PCDHA2: variants seen among roughly 807,000 people sequenced by gnomAD.
The protein encoded by PCDHA2 is protocadherin alpha-2.
In PCDHA2, 58 loss-of-function variants were observed where a neutral mutation model predicts 66.0. The observed-to-expected ratio is 0.88, with a 90% CI of 0.71 to 1.09. PCDHA2 has a LOEUF of 1.09. Ranked by LOEUF, PCDHA2 falls within the 50% of genes least tolerant of loss-of-function variation. The pLI, the probability that PCDHA2 is intolerant of heterozygous loss-of-function variation, is 0.00. For synonymous variants in PCDHA2, 634 were observed against 554.0 expected (o/e 1.14, Z -2.03); for missense variants, 1,267 against 1,242.3 (o/e 1.02, Z -0.30).
intron 1 of PCDHA2, among the ~76,000 whole-genome samples, chr5:140,959,126 G>A (rs1417334893): frequency 6.6e-6 from 1 of 152,066 alleles, no homozygotes; most frequent in Non-Finnish European, 1.5e-5. Context: ...GGCGAGGTGA[G>A]CCCACTTTGG....
In PCDHA2 at chr5:140,869,244, C is replaced by G. The variant is rs782454826; in HGVS notation, c.2388+71892C>G. 5.6e-6 allele frequency: 9 copies of G among 1,613,658 alleles called. 1 individual carries two copies. In the South Asian group the frequency reaches 7.7e-5, roughly 14 times the overall value. ...CCAAACACGGCACCTTCGTGGGCCG[C>G]ATCGCGCAGGACCTGGGGCTGGAGC... On this transcript the variant is annotated intron_variant, in intron 1 of 3. Coordinates refer to ENST00000526136, the MANE Select transcript of PCDHA2 (RefSeq NM_018905.3).
intron 1 of PCDHA2, among the ~76,000 whole-genome samples, chr5:140,819,386 C>T (rs1766549033): frequency 6.6e-6 from 1 of 152,040 alleles, no homozygotes. Context: ...TTTCTAAAGG[C>T]TTTTAGTGAA....
chr5:140,809,185 G>C, intron 1 of PCDHA2: 1 of 1,614,048 alleles, frequency 6.2e-7, no homozygotes, highest in Non-Finnish European at 8.5e-7. Context: ...CCACTGTGCT[G>C]GTGTCACTTG....
intron 2 of PCDHA2, among the ~76,000 whole-genome samples, chr5:140,980,990 G>T (rs1344931215): frequency 6.6e-6 from 1 of 152,116 alleles, no homozygotes. Flanking sequence ...CACACAATTT[G>T]CTAGTAGGAT....
rs1554129359 is a variant in PCDHA2, at chr5:140,823,461, G to T, written c.2388+26109G>T. The T allele has an allele frequency of 2.5e-6, 4 of 1,613,324 alleles. No homozygotes were observed. The African/African-American group carries it at 4.0e-5, about 16-fold the overall frequency. ...TGCTGGACGAGAACGACAACGCGCC[G>T]GCGCTGCTGGTGCCTCGAGTGGGTG... is the stretch of plus-strand genomic sequence containing the variant. On this transcript the variant is annotated intron_variant, in intron 1 of 3. Transcript: ENST00000526136.
chr5:140,952,798 G>T (rs1554220633), intron 1 of PCDHA2, among the ~76,000 whole-genome samples: 1 of 152,138 alleles, frequency 6.6e-6, no homozygotes, highest in African/African-American at 2.4e-5. Flanking sequence ...TAACTGGCTC[G>T]CAGTTCTGCA....
intron 1 of PCDHA2, among the ~76,000 whole-genome samples, chr5:140,847,109 G>T (rs1267875417): frequency 6.7e-6 from 1 of 149,752 alleles, no homozygotes; most frequent in Admixed American, 6.7e-5. Context: ...CACACAGTCT[G>T]CAGAGAATGA....
chr5:140,988,059 T>C (rs1587274242), intron 3 of PCDHA2, among the ~76,000 whole-genome samples: 1 of 152,324 alleles, frequency 6.6e-6, no homozygotes, highest in East Asian at 1.9e-4. Flanking sequence ...ACTGTCAACA[T>C]GAATTTTTCT....
chr5:140,881,995 T>C, intron 1 of PCDHA2: 1 of 464,062 alleles, frequency 2.2e-6, no homozygotes, highest in Middle Eastern at 5.9e-4. Flanking sequence ...TGTCAGGAAA[T>C]GCAAGGGGCA....
chr5:140,951,008 G>A (rs563188363), intron 1 of PCDHA2, among the ~76,000 whole-genome samples: 2 of 151,974 alleles, frequency 1.3e-5, no homozygotes, highest in South Asian at 4.2e-4. Flanking sequence ...TTTTTCCCAA[G>A]ATCAGGCAGT....
At chr5:140,897,086 T>G (rs527763854) in intron 1 of PCDHA2, among the ~76,000 whole-genome samples, 379 of 152,296 alleles carry the variant, frequency 2.5e-3, no homozygotes, top group African/African-American at 8.4e-3. Context: ...TTCTATTTTT[T>G]ATCCTCATTA....
At chr5:140,937,839 A>G (rs2091791639) in intron 1 of PCDHA2, among the ~76,000 whole-genome samples, 1 of 150,456 alleles carries the variant, frequency 6.6e-6, no homozygotes, top group Non-Finnish European at 1.5e-5. Flanking sequence ...ATGAACCTGG[A>G]AGGCGGAACT....
At chr5:141,001,885 A>C (rs1462586962) in intron 3 of PCDHA2, among the ~76,000 whole-genome samples, 2 of 152,228 alleles carry the variant, frequency 1.3e-5, no homozygotes, top group African/African-American at 2.4e-5. Context: ...GAAGGAGCAA[A>C]GAAATCGGGG....
At chr5:140,806,396 C>G (rs1763725675) in intron 1 of PCDHA2, among the ~76,000 whole-genome samples, 1 of 152,164 alleles carries the variant, frequency 6.6e-6, no homozygotes, top group African/African-American at 2.4e-5. Context: ...CTCATGGGAG[C>G]AAATGAGTTC....
Position 140,982,348 on chromosome 5 carries a change from T to C in PCDHA2, c.2448-127T>C, listed in dbSNP as rs1253085859. 9 of 1,495,962 alleles carry C rather than the reference T, an allele frequency of 6.0e-6. No homozygotes were observed. The Admixed American group carries it at 1.7e-4, about 28-fold the overall frequency. 92.7% of individuals were successfully genotyped at this position (1,495,962 alleles called of 1,614,324 possible). On this transcript the variant is annotated intron_variant, in intron 2 of 3. Transcript: ENST00000526136. Reference sequence around the variant, plus strand: ...ACTGCTCAGCAGTAATTGCTTCAGTTCAAGCATGAGCAGAATGTGTTAGCT... The same window carrying C: ...ACTGCTCAGCAGTAATTGCTTCAGTCCAAGCATGAGCAGAATGTGTTAGCT...
intron 3 of PCDHA2, among the ~76,000 whole-genome samples, chr5:140,998,057 A>G (rs2097795221): frequency 1.3e-5 from 2 of 152,294 alleles, no homozygotes; most frequent in South Asian, 4.1e-4. Flanking sequence ...TGACATCATC[A>G]TCAACAGACT....
chr5:140,996,524 C>A (rs1303736536), intron 3 of PCDHA2, among the ~76,000 whole-genome samples: 3 of 152,048 alleles, frequency 2.0e-5, no homozygotes, highest in African/African-American at 7.2e-5. Flanking sequence ...TTAGAAAGGC[C>A]CTGTGTGTTT....
At chr5:140,974,320 CT>C (rs2096622624) in intron 1 of PCDHA2, among the ~76,000 whole-genome samples, 1 of 152,206 alleles carries the variant, frequency 6.6e-6, no homozygotes, top group Non-Finnish European at 1.5e-5. Context: ...GAGAGAGTAG[CT>C]GCTGTGCTAG....
chr5:140,941,260 T>TCTTTCTTTCTTC (rs2092990214), intron 1 of PCDHA2, among the ~76,000 whole-genome samples: 2 of 138,280 alleles, frequency 1.4e-5, no homozygotes, highest in Admixed American at 1.5e-4. Flanking sequence ...TCTTTCTCTT[T>TCTTTCTTTCTTC]CTTTCTTTCT....
Sources: gnomAD v4.1 joint callset for allele counts (sites outside exome capture counted in the v4.1 genomes callset) on GRCh38, gnomAD v4.1.1 for gene constraint, MANE v1.5 for transcripts, NCBI Gene and HGNC (gene_info 2026-07-23, HGNC 2026-07-21) for gene names.